Variants in BRINP3 observed in about 807,000 individuals in gnomAD.
The protein encoded by BRINP3 is BMP/retinoic acid inducible neural specific 3.
In BRINP3, 19 loss-of-function variants were observed where a neutral mutation model predicts 71.0. The observed-to-expected ratio is 0.27, with a 90% CI of 0.19 to 0.39. BRINP3 has a LOEUF of 0.39. BRINP3 is among the 10% of genes least tolerant of loss of function. The pLI, the probability that BRINP3 is intolerant of heterozygous loss-of-function variation, is 1.00. For missense variants in BRINP3, 959 were observed against 940.8 expected (o/e 1.02, Z -0.25); for synonymous variants, 380 against 337.7 (o/e 1.13, Z -1.37).
In BRINP3 at chr1:190,297,659, C is replaced by T. The variant is rs534029836; in HGVS notation, c.237-15909G>A. Among the ~76,000 whole-genome samples, 17 of 151,776 alleles carry T rather than the reference C, an allele frequency of 1.1e-4. No homozygotes were observed. In the South Asian group the frequency reaches 3.5e-3, roughly 32 times the overall value. On this transcript the variant is annotated intron_variant, in intron 2 of 7. Coordinates refer to ENST00000367462, the MANE Select transcript of BRINP3 (RefSeq NM_199051.3). The stretch of plus-strand genomic sequence containing the variant: ...TGATCATTTTATTTTTTCTTCTTTA[C>T]ACCGTTCATATTATGGATTATTCTA...
chr1:190,411,375 G>A (rs1672653815), intron 2 of BRINP3, among the ~76,000 whole-genome samples: 1 of 152,032 alleles, frequency 6.6e-6, no homozygotes, highest in Non-Finnish European at 1.5e-5. Context: ...TATAACCTTA[G>A]GATCATGAAA....
chr1:190,100,569 C>T (rs937906476), intron 7 of BRINP3, among the ~76,000 whole-genome samples: 4 of 151,892 alleles, frequency 2.6e-5, no homozygotes, highest in Non-Finnish European at 5.9e-5. Context: ...AATTTTAAAC[C>T]CTAAACTGAA....
At chr1:190,183,385 C>A (rs1653211583) in intron 6 of BRINP3, among the ~76,000 whole-genome samples, 1 of 151,816 alleles carries the variant, frequency 6.6e-6, no homozygotes. Context: ...TTGGGAACTA[C>A]TAGGTCTTAT....
intron 2 of BRINP3, among the ~76,000 whole-genome samples, chr1:190,394,403 T>A (rs1024481580): frequency 6.6e-6 from 1 of 151,494 alleles, no homozygotes; most frequent in Non-Finnish European, 1.5e-5. Flanking sequence ...ATGGGTTTCT[T>A]GCACTGTTTT....
chr1:190,136,226 T>G (rs942430073), intron 7 of BRINP3, among the ~76,000 whole-genome samples: 1 of 152,150 alleles, frequency 6.6e-6, no homozygotes, highest in African/African-American at 2.4e-5. Flanking sequence ...AAATTTTCTT[T>G]ATATTTTGTT....
intron 7 of BRINP3, among the ~76,000 whole-genome samples, chr1:190,159,822 C>T (rs977097228): frequency 1.3e-5 from 2 of 151,436 alleles, no homozygotes; most frequent in Non-Finnish European, 1.5e-5. Flanking sequence ...TAAAACCAAC[C>T]AAACAAACAA....
At chr1:190,436,002 AT>A (rs1674429808) in intron 2 of BRINP3, among the ~76,000 whole-genome samples, 1 of 151,774 alleles carries the variant, frequency 6.6e-6, no homozygotes, top group Admixed American at 6.6e-5. Flanking sequence ...GGAGAGAATC[AT>A]TTTTTCCCCA....
At chr1:190,185,937 A>T (rs938540817) in intron 6 of BRINP3, among the ~76,000 whole-genome samples, 1 of 152,174 alleles carries the variant, frequency 6.6e-6, no homozygotes, top group Non-Finnish European at 1.5e-5. Flanking sequence ...CCCAACAAAA[A>T]GGAAAGAGGT....
chr1:190,301,210 T>TAC (rs1553283747), intron 2 of BRINP3, among the ~76,000 whole-genome samples: 5 of 107,828 alleles, frequency 4.6e-5, no homozygotes, highest in Non-Finnish European at 7.0e-5. Flanking sequence ...CATACATATA[T>TAC]ATATATATAT....
At chr1:190,440,227 C>A (rs983221107) in intron 2 of BRINP3, among the ~76,000 whole-genome samples, 4 of 151,736 alleles carry the variant, frequency 2.6e-5, no homozygotes, top group African/African-American at 9.7e-5. Flanking sequence ...ATGTCTCTTG[C>A]ATTATTTAAA....
At chr1:190,302,306 T>TGTTGTA (rs891174014) in intron 2 of BRINP3, among the ~76,000 whole-genome samples, 8 of 148,684 alleles carry the variant, frequency 5.4e-5, no homozygotes, top group Non-Finnish European at 1.0e-4. Context: ...AGTGATGGAA[T>TGTTGTA]GTTGTAGAAG....
chr1:190,430,820 C>T (rs182974014), intron 2 of BRINP3, among the ~76,000 whole-genome samples: 247 of 152,238 alleles, frequency 1.6e-3, no homozygotes, highest in African/African-American at 5.5e-3. Context: ...AATCCAGTTG[C>T]TGTGTTTCTC....
At chr1:190,376,411 C>T (rs1391749075) in intron 2 of BRINP3, among the ~76,000 whole-genome samples, 1 of 151,994 alleles carries the variant, frequency 6.6e-6, no homozygotes, top group Non-Finnish European at 1.5e-5. Flanking sequence ...TAAATGAAAT[C>T]AGGCTATCAT....
chr1:190,415,003 T>G (rs1436868920), intron 2 of BRINP3, among the ~76,000 whole-genome samples: 1 of 152,240 alleles, frequency 6.6e-6, no homozygotes, highest in Non-Finnish European at 1.5e-5. Context: ...ATTAATTAAC[T>G]ATTTTAAGTG....
chr1:190,298,017 G>A (rs895501683), intron 2 of BRINP3, among the ~76,000 whole-genome samples: 1 of 152,086 alleles, frequency 6.6e-6, no homozygotes, highest in Non-Finnish European at 1.5e-5. Flanking sequence ...GCAACCACAA[G>A]GTTTTCAATA....
rs1481461478 is a variant in BRINP3 at position 190,227,823 on chromosome 1, G to T, written c.725-1505C>A. Among the ~76,000 whole-genome samples the T allele has an allele frequency of 3.3e-5, 5 of 151,916 alleles. No individual in the cohort carries two copies. The East Asian group carries it at 9.7e-4, about 29-fold the overall frequency. On this transcript the variant is annotated intron_variant, in intron 5 of 7. Coordinates refer to ENST00000367462, the MANE Select transcript of BRINP3 (RefSeq NM_199051.3). ...GGGCTATAAGAATACAATGAAAGAG[G>T]TGCTTACACACATAAATGAGGAGTC...
chr1:190,119,528 C>T (rs1653453594), intron 7 of BRINP3, among the ~76,000 whole-genome samples: 1 of 152,122 alleles, frequency 6.6e-6, no homozygotes, highest in African/African-American at 2.4e-5. Context: ...CCTCTTCAGC[C>T]TCCCAAAGTG....
rs893374855 is a variant in BRINP3, at chr1:190,300,222, C to A, written c.237-18472G>T. On this transcript the variant is annotated intron_variant, in intron 2 of 7. Coordinates refer to ENST00000367462, the MANE Select transcript of BRINP3 (RefSeq NM_199051.3). ...TAGATTTGGTCTTTTCACATAGTCC[C>A]ATATTTCTTGGAGGCTTTGCTTGTT... is the stretch of plus-strand genomic sequence containing the variant. Among the ~76,000 whole-genome samples, 199 of 152,236 alleles carry A rather than the reference C, an allele frequency of 1.3e-3. 1 individual carries two copies. The highest frequency in any genetic ancestry group is 1.8e-3 in the Admixed American group (27 of 15,286).
At chr1:190,202,661 G>T (rs1157956158) in intron 6 of BRINP3, among the ~76,000 whole-genome samples, 1 of 152,064 alleles carries the variant, frequency 6.6e-6, no homozygotes, top group Non-Finnish European at 1.5e-5. Context: ...TCTTTCCCAT[G>T]CTATTGTGAT....
Sources: gnomAD v4.1 joint callset for allele counts (sites outside exome capture counted in the v4.1 genomes callset) on GRCh38, gnomAD v4.1.1 for gene constraint, MANE v1.5 for transcripts, NCBI Gene and HGNC (gene_info 2026-07-23, HGNC 2026-07-21) for gene names.